MEGF8: variants seen among roughly 807,000 people sequenced by gnomAD.
MEGF8 encodes multiple EGF like domains 8.
In MEGF8, 156 loss-of-function variants were observed where a neutral mutation model predicts 302.9. That is an observed-to-expected ratio of 0.52 (90% CI 0.45 to 0.59). The LOEUF is 0.59. Among genes scored for constraint, MEGF8 ranks in the 20% least tolerant of loss-of-function variants. The pLI, the probability that MEGF8 is intolerant of heterozygous loss-of-function variation, is 0.00. For synonymous variants in MEGF8, 1,621 were observed against 1,660.5 expected (o/e 0.98, Z 0.58); for missense variants, 3,345 against 3,964.5 (o/e 0.84, Z 4.20).
Position 42,358,901 on chromosome 19 carries a change from G to C in MEGF8, c.5290G>C (p.Ala1764Pro). ...CAGGAAGAAGATGGCTCTGTGGGCT[G>C]CTCTTGCTGGTACAGGAGGTTTCCT... ...EVRKKMALWA[A>P]LAGTGGFLEE... The change falls in exon 30 of 42, where the codon GCT (alanine) becomes CCT (proline). Residue 1764 changes from alanine (A) to proline (P), a missense_variant. Physicochemically the swap from Ala to Pro is conservative, Grantham distance 27. Coordinates refer to ENST00000251268, the MANE Select transcript of MEGF8 (RefSeq NM_001271938.2). This position sits in a 1 kb window ranked among gnomAD's most constrained non-coding sequence, Gnocchi z 4.4. 3 of 1,611,820 alleles carry C rather than the reference G, an allele frequency of 1.9e-6. No homozygotes were observed. Among genetic ancestry groups the C allele is most frequent in the Non-Finnish European group, 2.5e-6 (3 of 1,179,130 alleles).
At chr19:42,362,684 C>G in intron 34 of MEGF8, 87 bp downstream of exon 34, 1 of 1,482,746 alleles carries the variant, frequency 6.7e-7, no homozygotes, top group Non-Finnish European at 9.2e-7. Context: ...GCCTGGTCTC[C>G]TGGGTCTGAG....
intron 41 of MEGF8, among the ~76,000 whole-genome samples, chr19:42,374,385 C>T (rs28715574): frequency 0.027 from 4,114 of 151,004 alleles, 181 homozygotes; most frequent in African/African-American, 0.093. Context: ...GCAGGAGAAT[C>T]GCTTGAACCC....
intron 35 of MEGF8, among the ~76,000 whole-genome samples, chr19:42,367,245 G>T (rs1050264095): frequency 6.6e-6 from 1 of 151,432 alleles, no homozygotes; most frequent in Non-Finnish European, 1.5e-5. Flanking sequence ...AAGCCTTTTT[G>T]CCTCAGCAGC....
rs760492927 is a variant in MEGF8, at chr19:42,361,005, A to G, written c.5719A>G (p.Arg1907Gly). 7.1e-6 allele frequency: 11 copies of G among 1,543,218 alleles called. No individual in the cohort carries two copies. Among genetic ancestry groups the G allele is most frequent in the African/African-American group, 1.4e-5 (1 of 72,892 alleles). The change falls in exon 32 of 42, where the codon AGG becomes GGG. Residue 1907 changes from arginine (R) to glycine (G), a missense_variant and splice_region_variant. Arg to Gly is a moderately radical substitution (Grantham distance 125, BLOSUM62 -2). Coordinates refer to ENST00000251268, the MANE Select transcript of MEGF8 (RefSeq NM_001271938.2). The part of the protein sequence containing the change: ...GACLSGDQAH[R>G]LGCGGSPCSP... ...CTGCTTGTCCGGGGATCAGGCCCAC[A>G]GGTAACCATGGCGACCATGACAGGC...
rs997158897 is a variant in MEGF8, at chr19:42,368,159, C to A, written c.6274-296C>A. 6.6e-6 allele frequency among the ~76,000 whole-genome samples: 1 copy of A among 152,192 alleles called. No individual in the cohort carries two copies. The highest frequency in any genetic ancestry group is 1.5e-5 in the Non-Finnish European group (1 of 68,030). On this transcript the variant is annotated intron_variant, in intron 35 of 41. Coordinates refer to ENST00000251268, the MANE Select transcript of MEGF8 (RefSeq NM_001271938.2). This position sits in a 1 kb window ranked among gnomAD's most constrained non-coding sequence, Gnocchi z 4.9. ...TCTGGAACTCTTGGGCTCAAGTGATCCTCCCACTGTAGCCTCCCAAAGTAT... is the reference window on the plus strand; with the variant it reads ...TCTGGAACTCTTGGGCTCAAGTGATACTCCCACTGTAGCCTCCCAAAGTAT...
At chr19:42,332,028 T>C (rs1438437294) in intron 1 of MEGF8, among the ~76,000 whole-genome samples, 1 of 150,598 alleles carries the variant, frequency 6.6e-6, no homozygotes, top group Non-Finnish European at 1.5e-5. Context: ...ATTTTTGTAT[T>C]TTTTTTTAGT....
rs1355045896 is a variant in MEGF8, at chr19:42,363,061, C to T, written c.6072C>T (p.Arg2024=). ...CCCCACCCCCAGGGGAGACCCGCCGCATCCTCTCCGTGCAGCCCACCTATG... is the reference window on the plus strand; with the variant it reads ...CCCCACCCCCAGGGGAGACCCGCCGTATCCTCTCCGTGCAGCCCACCTATG... The part of the protein sequence containing the change: ...RQFKRTGETR[R]ILSVQPTYDW... Residue 2024 remains arginine, a synonymous_variant, in exon 35 of 42, where the codon CGC becomes CGT. Coordinates refer to ENST00000251268, the MANE Select transcript of MEGF8 (RefSeq NM_001271938.2). 6.2e-7 allele frequency: 1 copy of T among 1,612,968 alleles called. No homozygotes were observed. Among genetic ancestry groups the T allele is most frequent in the Admixed American group, 1.7e-5 (1 of 59,846 alleles).
In MEGF8 at chr19:42,359,195, T is replaced by A; in HGVS notation, c.5441T>A (p.Leu1814Gln). ...SDPDEFSSDV[L>Q]LYQVNCNAWL... Reference sequence around the variant, plus strand: ...CCTGACGAGTTCAGCAGCGACGTTCTGCTCTACCAGGTCAACTGCAATGCC... The same window carrying A: ...CCTGACGAGTTCAGCAGCGACGTTCAGCTCTACCAGGTCAACTGCAATGCC... The change falls in exon 31 of 42, where the codon CTG (leucine) becomes CAG (glutamine). Residue 1814 changes from leucine (L) to glutamine (Q), a missense_variant. Transcript: ENST00000251268. 6.2e-7 allele frequency: 1 copy of A among 1,602,760 alleles called. No homozygotes were observed. The highest frequency in any genetic ancestry group is 1.3e-5 in the African/African-American group (1 of 74,304).
intron 35 of MEGF8, among the ~76,000 whole-genome samples, chr19:42,367,366 G>A (rs2039622576): frequency 6.7e-6 from 1 of 149,874 alleles, no homozygotes; most frequent in African/African-American, 2.5e-5. Flanking sequence ...TCTGCTCACT[G>A]CAAGCTCCAC....
At position 42,368,578 on chromosome 19, in the gene MEGF8, C is replaced by T. The variant is rs373739098; in HGVS notation, c.6397C>T (p.Arg2133Cys). Residue 2133 changes from arginine (R) to cysteine (C), a missense_variant, in exon 36 of 42, where the codon CGC (arginine) becomes TGC (cysteine). By Grantham distance (180) the Arg-to-Cys change is radical (BLOSUM62 -3). Coordinates refer to ENST00000251268, the MANE Select transcript of MEGF8 (RefSeq NM_001271938.2). The surrounding 1 kb of genome is among the most constrained non-coding windows in gnomAD (Gnocchi z 4.9). ...QATQCALCLRRPHCGWCAWGG... is the reference protein window; with the variant it reads ...QATQCALCLRCPHCGWCAWGG... Reference sequence around the variant, plus strand: ...AACTCAGTGCGCCTTGTGCCTGCGGCGCCCCCATTGCGGCTGGTGTGCCTG... The same window carrying T: ...AACTCAGTGCGCCTTGTGCCTGCGGTGCCCCCATTGCGGCTGGTGTGCCTG... 13 of 1,584,438 alleles carry T rather than the reference C, an allele frequency of 8.2e-6. No homozygotes were observed. The highest frequency in any genetic ancestry group is 6.7e-5 in the African/African-American group (5 of 74,310).
At chr19:42,360,622 G>A (rs2039518234) in intron 31 of MEGF8, among the ~76,000 whole-genome samples, 153 bp from the exon 32 acceptor site, 2 of 152,194 alleles carry the variant, frequency 1.3e-5, no homozygotes, top group African/African-American at 4.8e-5. Context: ...TGGGATCACA[G>A]GTGTGAGCCA....
Position 42,357,348 on chromosome 19 carries a change from A to G in MEGF8, c.4831-56A>G. On this transcript the variant is annotated intron_variant, in intron 27 of 41. Transcript: ENST00000251268. This position sits in a 1 kb window ranked among gnomAD's most constrained non-coding sequence, Gnocchi z 5.2. ...GGGGGGCTGAGGCTCGCTTCTACCC[A>G]CAAGGTGACCCCTGACCTCTAGCCC... 6.4e-7 allele frequency: 1 copy of G among 1,573,996 alleles called. No homozygotes were observed. Among genetic ancestry groups the G allele is most frequent in the Non-Finnish European group, 8.7e-7 (1 of 1,153,216 alleles).
chr19:42,361,949 G>C (rs2039537416), intron 32 of MEGF8, 141 bp from the exon 33 acceptor site: 1 of 1,285,710 alleles, frequency 7.8e-7, no homozygotes, highest in African/African-American at 1.5e-5. Flanking sequence ...ATTACCAAAT[G>C]GTGGTGGGGA....
Position 42,370,686 on chromosome 19 carries a change from T to C in MEGF8, c.7006-15T>C, listed in dbSNP as rs1320671730. On this transcript the variant is annotated splice_polypyrimidine_tract_variant and intron_variant, in intron 39 of 41. Transcript: ENST00000251268. ...TCCAGGCCTTTCTATGATCACACTG[T>C]CCTTCCTTGGCCAGATTGAAAACTG... 2 of 1,589,356 alleles carry C rather than the reference T, an allele frequency of 1.3e-6. No homozygotes were observed. Among genetic ancestry groups the C allele is most frequent in the Admixed American group, 3.6e-5 (2 of 56,072 alleles).
rs750058084 is a variant in MEGF8 at position 42,371,384 on chromosome 19, G to A, written c.7171G>A (p.Glu2391Lys). ...QCNGHADTCNEQDGTGCPCQN... is the reference protein window; with the variant it reads ...QCNGHADTCNKQDGTGCPCQN... ...TAATGGCCACGCGGACACATGTAAC[G>A]AGCAGGATGGGACGGGCTGTCCATG... is the stretch of plus-strand genomic sequence containing the variant. Residue 2391 changes from glutamate to lysine, a missense_variant, in exon 41 of 42, where the codon GAG becomes AAG. By Grantham distance (56) the Glu-to-Lys change is moderately conservative (BLOSUM62 1). Transcript: ENST00000251268. 3.7e-6 allele frequency: 6 copies of A among 1,613,788 alleles called. No individual in the cohort carries two copies. The African/African-American group carries it at 5.3e-5, about 14-fold the overall frequency.
intron 8 of MEGF8, among the ~76,000 whole-genome samples, 190 bp from the exon 9 acceptor site, chr19:42,343,275 AGATCAGAAAGAT>A (rs2039240218): frequency 6.6e-6 from 1 of 152,150 alleles, no homozygotes. Context: ...CTGACCCTAA[AGATCAGAAAGAT>A]GATTTGGGTA....
intron 14 of MEGF8, 46 bp from the exon 15 acceptor site, chr19:42,350,102 C>G (rs1035311267): frequency 6.7e-7 from 1 of 1,495,470 alleles, no homozygotes; most frequent in African/African-American, 1.4e-5. Flanking sequence ...GACTCTGACC[C>G]CTGCCCCAGA....
At chr19:42,372,076 C>CAACAACAA (rs2039701345) in intron 41 of MEGF8, among the ~76,000 whole-genome samples, 5 of 111,448 alleles carry the variant, frequency 4.5e-5, no homozygotes, top group African/African-American at 1.2e-4. Context: ...CAACAACAAA[C>CAACAACAA]ACACACACAC....
chr19:42,374,342 A>G (rs538851563), intron 41 of MEGF8, among the ~76,000 whole-genome samples: 10 of 151,976 alleles, frequency 6.6e-5, no homozygotes, highest in Admixed American at 3.9e-4. Flanking sequence ...GTGGTGGCGG[A>G]CACCTGTAAT....
Sources: allele counts gnomAD v4.1 joint callset (sites outside exome capture counted in the v4.1 genomes callset), GRCh38; gene constraint gnomAD v4.1.1; non-coding constraint Gnocchi (gnomAD v3.1); transcripts MANE v1.5; gene names NCBI Gene and HGNC (gene_info 2026-07-23, HGNC 2026-07-21).